Variants in GSK3B observed in about 807,000 individuals in gnomAD.
The protein encoded by GSK3B is glycogen synthase kinase-3 beta.
A neutral mutation model predicts 56.4 loss-of-function variants in GSK3B; 15 were observed. The observed-to-expected ratio is 0.27, with a 90% CI of 0.18 to 0.41. The LOEUF (loss-of-function observed/expected upper bound fraction) is 0.41, where lower values mean the gene tolerates loss of function less well. Among genes scored for constraint, GSK3B ranks in the 10% least tolerant of loss-of-function variants. The probability of loss-of-function intolerance (pLI) is 1.00; values close to 1 mark genes in which losing one functional copy is unlikely to be tolerated. For synonymous variants in GSK3B, 181 were observed against 188.9 expected, an observed-to-expected ratio of 0.96 and a Z score of 0.34; for missense variants, 300 against 513.4, an observed-to-expected ratio of 0.58 and a Z score of 4.02.
chr3:119,847,524 G>GA (rs924260356), intron 9 of GSK3B, among the ~76,000 whole-genome samples: 20 of 149,470 alleles, frequency 1.3e-4, no homozygotes, highest in Middle Eastern at 3.4e-3. Flanking sequence ...TTTAACAGGG[G>GA]AAAAAAAAAC....
At chr3:119,943,420 G>A (rs538217996) in intron 3 of GSK3B, among the ~76,000 whole-genome samples, 18 of 152,174 alleles carry the variant, frequency 1.2e-4, no homozygotes, top group South Asian at 2.1e-4. Flanking sequence ...TATGAGGCAA[G>A]AGAAAAAAAT....
chr3:119,991,050 G>T (rs748739655), intron 2 of GSK3B, among the ~76,000 whole-genome samples: 1 of 152,108 alleles, frequency 6.6e-6, no homozygotes, highest in Non-Finnish European at 1.5e-5. Context: ...GTGAAACTAG[G>T]CAGGAGACTT....
intron 1 of GSK3B, among the ~76,000 whole-genome samples, chr3:120,045,015 T>C (rs1171526183): frequency 6.6e-6 from 1 of 152,194 alleles, no homozygotes; most frequent in Non-Finnish European, 1.5e-5. Flanking sequence ...TTACTTTGCT[T>C]GCAGTTGTAA....
intron 1 of GSK3B, among the ~76,000 whole-genome samples, chr3:120,058,257 ATATTT>A (rs2058207480): frequency 1.3e-5 from 2 of 152,162 alleles, no homozygotes; most frequent in Middle Eastern, 3.2e-3. Context: ...TACTGATAAT[ATATTT>A]TATTTAACTA....
intron 6 of GSK3B, among the ~76,000 whole-genome samples, chr3:119,911,764 T>G (rs1281224997): frequency 6.6e-6 from 1 of 152,192 alleles, no homozygotes; most frequent in Non-Finnish European, 1.5e-5. Context: ...TTAATCCTCA[T>G]GAAATAACCT....
At chr3:119,902,463 C>T (rs1342495848) in intron 7 of GSK3B, among the ~76,000 whole-genome samples, 1 of 152,162 alleles carries the variant, frequency 6.6e-6, no homozygotes, top group Non-Finnish European at 1.5e-5. Context: ...TGCAGTGGTA[C>T]TTGGCTTACT....
intron 9 of GSK3B, among the ~76,000 whole-genome samples, chr3:119,846,527 CAT>C (rs1305441360): frequency 3.3e-5 from 5 of 152,066 alleles, no homozygotes; most frequent in African/African-American, 7.2e-5. Context: ...GGCCAACAAA[CAT>C]ATGAAAAAAA....
chr3:119,854,558 T>C (rs1405920471), intron 9 of GSK3B, among the ~76,000 whole-genome samples: 4 of 152,190 alleles, frequency 2.6e-5, no homozygotes, highest in Non-Finnish European at 5.9e-5. Flanking sequence ...CTGGACTTTT[T>C]TTGGTTGGGA....
intron 1 of GSK3B, among the ~76,000 whole-genome samples, chr3:120,022,692 G>A (rs1279124205): frequency 6.6e-6 from 1 of 152,226 alleles, no homozygotes; most frequent in Non-Finnish European, 1.5e-5. Flanking sequence ...GTCAGATTAA[G>A]TGGGTCAATT....
At chr3:119,974,261 C>T (rs1441487987) in intron 2 of GSK3B, among the ~76,000 whole-genome samples, 1 of 152,044 alleles carries the variant, frequency 6.6e-6, no homozygotes, top group Non-Finnish European at 1.5e-5. Context: ...ATAAGAAAAC[C>T]AACAACTCAA....
chr3:119,911,883 G>T (rs1033374883), intron 6 of GSK3B, among the ~76,000 whole-genome samples: 2 of 152,126 alleles, frequency 1.3e-5, no homozygotes, highest in African/African-American at 4.8e-5. Context: ...TGAATGTTGT[G>T]GTTGGTTTGA....
intron 1 of GSK3B, among the ~76,000 whole-genome samples, chr3:120,055,763 A>G (rs1180633659): frequency 6.6e-6 from 1 of 152,222 alleles, no homozygotes; most frequent in Non-Finnish European, 1.5e-5. Flanking sequence ...ATTTACATGA[A>G]AATGGATCTT....
rs141641235 is a variant in GSK3B, at chr3:119,826,786, G to A, written c.*2C>T. On this transcript the variant is annotated 3_prime_UTR_variant, in exon 11 of 11. Coordinates refer to ENST00000264235, the MANE Select transcript of GSK3B (RefSeq NM_001146156.2). ...CCTGTGCAGCTGGCTGCTCGGGACT[G>A]TTCAGGTGGAGTTGGAAGCTGATGC... 13 of 1,606,022 alleles carry A rather than the reference G, an allele frequency of 8.1e-6. No homozygotes were observed. Among genetic ancestry groups the A allele is most frequent in the African/African-American group, 2.7e-5 (2 of 74,766 alleles).
intron 7 of GSK3B, among the ~76,000 whole-genome samples, chr3:119,889,843 C>T (rs2056482122): frequency 6.6e-6 from 1 of 151,918 alleles, no homozygotes; most frequent in African/African-American, 2.4e-5. Context: ...TAAAAGAATG[C>T]AAGAAGTTAT....
rs1048383605 is a variant in GSK3B at position 119,822,341 on chromosome 3, G to A, written c.*4447C>T. The A allele has an allele frequency of 5.0e-6, 1 of 199,558 alleles. No individual in the cohort carries two copies. Among genetic ancestry groups the A allele is most frequent in the Non-Finnish European group, 1.0e-5 (1 of 97,234 alleles). The allele number at this position is 199,558 out of a possible 1,614,324, so 12.4% of individuals were successfully genotyped here. The stretch of plus-strand genomic sequence containing the variant: ...AATTGGTATGTGTACAGGCCCAAGT[G>A]ATCCATCGGCAACACATTTATAAAT... On this transcript the variant is annotated 3_prime_UTR_variant, in exon 11 of 11. Transcript: ENST00000264235.
At chr3:119,982,965 G>A (rs1262356982) in intron 2 of GSK3B, among the ~76,000 whole-genome samples, 4 of 152,128 alleles carry the variant, frequency 2.6e-5, no homozygotes, top group East Asian at 1.9e-4. Context: ...GAGAAAGGTC[G>A]AGTTAATCAC....
At chr3:119,980,021 C>A (rs1245514465) in intron 2 of GSK3B, among the ~76,000 whole-genome samples, 2 of 152,004 alleles carry the variant, frequency 1.3e-5, no homozygotes, top group Admixed American at 6.6e-5. Context: ...ACTGAATCTT[C>A]TTCTGGTTGT....
In GSK3B at chr3:119,937,187, T is replaced by C. The variant is rs144140557; in HGVS notation, c.366+10081A>G. Among the ~76,000 whole-genome samples, 237 of 152,208 alleles carry C rather than the reference T, an allele frequency of 1.6e-3. 1 individual carries two copies. Among genetic ancestry groups the C allele is most frequent in the Middle Eastern group, 3.4e-3 (1 of 294 alleles). On this transcript the variant is annotated intron_variant, in intron 3 of 10. Coordinates refer to ENST00000264235, the MANE Select transcript of GSK3B (RefSeq NM_001146156.2). ...ACACACTTGCTATAGTTTGGACTGT[T>C]TGTCCCCCTAAACCTCATGGTAAAA...
chr3:119,857,755 C>G (rs1385420230), intron 9 of GSK3B, among the ~76,000 whole-genome samples: 1 of 152,194 alleles, frequency 6.6e-6, no homozygotes, highest in Non-Finnish European at 1.5e-5. Flanking sequence ...TTTCAGTTTA[C>G]TTTTCCCAGA....
Sources: gnomAD v4.1 joint callset for allele counts (sites outside exome capture counted in the v4.1 genomes callset) on GRCh38, gnomAD v4.1.1 for gene constraint, MANE v1.5 for transcripts, NCBI Gene and HGNC (gene_info 2026-07-23, HGNC 2026-07-21) for gene names.